FARS2: variants seen among roughly 807,000 people sequenced by gnomAD.
FARS2 encodes the protein phenylalanyl-tRNA synthetase 2, mitochondrial, also known as phenylalanine--tRNA ligase, mitochondrial.
In FARS2, 40 loss-of-function variants were observed where a neutral mutation model predicts 46.4. The observed-to-expected ratio is 0.86, with a 90% CI of 0.67 to 1.12. The LOEUF is 1.12. Among genes scored for constraint, FARS2 ranks in the 50% most tolerant of loss-of-function variants. The probability of loss-of-function intolerance (pLI) is 0.00; values close to 1 mark genes in which losing one functional copy is unlikely to be tolerated. For synonymous variants in FARS2, 234 were observed against 214.9 expected (o/e 1.09, Z -0.78); for missense variants, 513 against 567.9 (o/e 0.90, Z 0.98).
upstream of FARS2, among the ~76,000 whole-genome samples, chr6:5,260,049 CTCTG>C (rs1295029880): frequency 5.3e-5 from 8 of 152,234 alleles, no homozygotes; most frequent in Admixed American, 1.3e-4. Flanking sequence ...TAAGCGGGAT[CTCTG>C]TCTGGTGAGC....
At chr6:5,731,057 G>T (rs1271798198) in intron 6 of FARS2, among the ~76,000 whole-genome samples, 1 of 152,196 alleles carries the variant, frequency 6.6e-6, no homozygotes, top group African/African-American at 2.4e-5. Flanking sequence ...CCTGGAGCAT[G>T]TGTGTACATG....
chr6:5,706,750 ACTC>A (rs1396724036), intron 6 of FARS2, among the ~76,000 whole-genome samples: 2 of 151,986 alleles, frequency 1.3e-5, no homozygotes, highest in Admixed American at 6.6e-5. Flanking sequence ...GCATTCAGCA[ACTC>A]CTCCTTCTGT....
intron 4 of FARS2, among the ~76,000 whole-genome samples, chr6:5,450,121 A>C (rs1470582063): frequency 6.6e-6 from 1 of 152,244 alleles, no homozygotes; most frequent in Non-Finnish European, 1.5e-5. Flanking sequence ...TTGTTGTTCA[A>C]GGGTCAACTG....
chr6:5,512,873 G>A (rs1768542680), intron 4 of FARS2, among the ~76,000 whole-genome samples: 1 of 152,210 alleles, frequency 6.6e-6, no homozygotes, highest in Non-Finnish European at 1.5e-5. Context: ...CATTATGGCA[G>A]AAGCACAGGT....
intron 5 of FARS2, among the ~76,000 whole-genome samples, chr6:5,564,493 T>C (rs1221491679): frequency 6.6e-6 from 1 of 152,222 alleles, no homozygotes; most frequent in Non-Finnish European, 1.5e-5. Flanking sequence ...GTCTAAAATG[T>C]AGGCAAAAAG....
At chr6:5,310,957 G>A (rs1769044922) in intron 1 of FARS2, among the ~76,000 whole-genome samples, 1 of 152,162 alleles carries the variant, frequency 6.6e-6, no homozygotes, top group Non-Finnish European at 1.5e-5. Flanking sequence ...TAAAATTCCT[G>A]TGCCCCTTTC....
intron 6 of FARS2, among the ~76,000 whole-genome samples, chr6:5,725,475 G>A (rs1368033309): frequency 1.3e-5 from 2 of 152,244 alleles, no homozygotes. Context: ...TGGCTGCCCG[G>A]GCTCCAGTCC....
chr6:5,597,087 G>GC (rs1311745761), intron 5 of FARS2, among the ~76,000 whole-genome samples: 1 of 152,234 alleles, frequency 6.6e-6, no homozygotes, highest in African/African-American at 2.4e-5. Context: ...AGAAGGCCTG[G>GC]CGCTGGCACT....
chr6:5,333,562 T>C (rs1307192281), intron 1 of FARS2, among the ~76,000 whole-genome samples: 1 of 152,198 alleles, frequency 6.6e-6, no homozygotes, highest in Non-Finnish European at 1.5e-5. Context: ...ATATTTTAGA[T>C]AGTATGGACA....
intron 6 of FARS2, among the ~76,000 whole-genome samples, chr6:5,755,942 G>A (rs527494463): frequency 3.6e-4 from 55 of 152,180 alleles, no homozygotes; most frequent in African/African-American, 1.1e-3. Context: ...CTTCTTCTCC[G>A]TGTTCTTCAA....
chr6:5,692,533 G>T (rs1347005844), intron 6 of FARS2, among the ~76,000 whole-genome samples: 1 of 152,130 alleles, frequency 6.6e-6, no homozygotes, highest in African/African-American at 2.4e-5. Flanking sequence ...GTCATGCTCA[G>T]AACTGACTTT....
At chr6:5,265,280 C>T (rs1464020966) in intron 1 of FARS2, among the ~76,000 whole-genome samples, 1 of 152,094 alleles carries the variant, frequency 6.6e-6, no homozygotes, top group Non-Finnish European at 1.5e-5. Flanking sequence ...AGTGTATATC[C>T]AAGCATGGAG....
intron 5 of FARS2, among the ~76,000 whole-genome samples, chr6:5,554,850 G>GAGCAAATAAAAATAAA: frequency 6.6e-6 from 1 of 152,168 alleles, no homozygotes; most frequent in African/African-American, 2.4e-5. Flanking sequence ...CTAGTAAGCT[G>GAGCAAATAAAAATAAA]TTACTGTTGC....
chr6:5,431,199 A>G, intron 4 of FARS2, 27 bp downstream of exon 4: 5 of 1,612,072 alleles, frequency 3.1e-6, no homozygotes, highest in Non-Finnish European at 4.2e-6. Context: ...CATTTTATTT[A>G]CACGTGCTCT....
At chr6:5,274,647 G>A (rs1184791765) in intron 1 of FARS2, among the ~76,000 whole-genome samples, 2 of 152,140 alleles carry the variant, frequency 1.3e-5, no homozygotes, top group African/African-American at 2.4e-5. Context: ...TTCGTGTTTT[G>A]TTAACAACTA....
chr6:5,305,932 T>G (rs1768669946), intron 1 of FARS2, among the ~76,000 whole-genome samples: 1 of 152,230 alleles, frequency 6.6e-6, no homozygotes, highest in Non-Finnish European at 1.5e-5. Flanking sequence ...AATTCAATTC[T>G]ATTCAAACTT....
chr6:5,477,556 C>G (rs942720785), intron 4 of FARS2, among the ~76,000 whole-genome samples: 5 of 152,336 alleles, frequency 3.3e-5, no homozygotes, highest in African/African-American at 1.2e-4. Flanking sequence ...GGAACACTGG[C>G]TCTGAAGTCA....
In FARS2 at chr6:5,454,338, A is replaced by AATTT. The variant is rs544241504; in HGVS notation, c.904+23184_904+23187dup. On this transcript the variant is annotated intron_variant, in intron 4 of 6. Coordinates refer to ENST00000274680, the MANE Select transcript of FARS2 (RefSeq NM_006567.5). Reference sequence around the variant, plus strand: ...AAAATATCAACACTTGTTTTTTTAAAATTTATTTATTTATTTATTTAGAGA... The same window carrying AATTT: ...AAAATATCAACACTTGTTTTTTTAAAATTTATTTATTTATTTATTTATTTAGAGA... Among the ~76,000 whole-genome samples, 392 of 151,464 alleles carry AATTT rather than the reference A, an allele frequency of 2.6e-3. 2 individuals carry two copies. Among genetic ancestry groups the AATTT allele is most frequent in the African/African-American group, 8.9e-3 (368 of 41,240 alleles).
rs1322267011 is a variant in FARS2 at position 5,311,163 on chromosome 6, G to A, written c.-22+49503G>A. Reference sequence around the variant, plus strand: ...ATGATATGGTTTGTAGTTGTTGCGAGTGAAGAGGATTTGTATGTGCTGTCA... The same window carrying A: ...ATGATATGGTTTGTAGTTGTTGCGAATGAAGAGGATTTGTATGTGCTGTCA... On this transcript the variant is annotated intron_variant, in intron 1 of 6. Transcript: ENST00000274680. The surrounding 1 kb of genome is among the most constrained non-coding windows in gnomAD (Gnocchi z 4.1). Among the ~76,000 whole-genome samples the A allele has an allele frequency of 6.6e-6, 1 of 152,228 alleles. No individual in the cohort carries two copies.
Sources: gnomAD v4.1 joint callset for allele counts (sites outside exome capture counted in the v4.1 genomes callset) on GRCh38, gnomAD v4.1.1 for gene constraint, Gnocchi (gnomAD v3.1) non-coding constraint, MANE v1.5 for transcripts, NCBI Gene and HGNC (gene_info 2026-07-23, HGNC 2026-07-21) for gene names.